LONRF2: variants seen among roughly 807,000 people sequenced by gnomAD.
LONRF2 encodes LON peptidase N-terminal domain and RING finger protein 2.
In LONRF2, 35 loss-of-function variants were observed where a neutral mutation model predicts 66.6. That is an observed-to-expected ratio of 0.53 (90% CI 0.40 to 0.70). LONRF2 has a LOEUF of 0.70. Ranked by LOEUF, LONRF2 falls within the 30% of genes least tolerant of loss-of-function variation. The pLI is 0.00. For synonymous variants in LONRF2, 417 were observed against 418.1 expected, an observed-to-expected ratio of 1.00 and a Z score of 0.03; for missense variants, 902 against 1,002.1, an observed-to-expected ratio of 0.90 and a Z score of 1.35.
chr2:100,315,376 G>A (rs1299107051), intron 1 of LONRF2, among the ~76,000 whole-genome samples: 1 of 152,080 alleles, frequency 6.6e-6, no homozygotes, highest in Non-Finnish European at 1.5e-5. Context: ...ATGTATGCCA[G>A]GTCATCTACA....
intron 1 of LONRF2, 31 bp downstream of exon 1, chr2:100,321,384 G>T (rs1675620203): frequency 1.4e-6 from 2 of 1,403,350 alleles, no homozygotes; most frequent in Middle Eastern, 2.6e-4. Flanking sequence ...ACAGGTGTAG[G>T]GGAGGCGGAC....
chr2:100,308,299 A>G (rs4851292), intron 2 of LONRF2, among the ~76,000 whole-genome samples: 67,796 of 151,704 alleles, frequency 0.45, 15,881 homozygotes, highest in East Asian at 0.71. Context: ...AGCCTAGGGG[A>G]CAGAGAGACA....
rs1674675388 is a variant in LONRF2, at chr2:100,279,816, C to G, written c.*4482G>C. Reference sequence around the variant, plus strand: ...CTAGAGTCTGAGCTGTTATTCAGACCAGCCAGTCTTAGCTATTTCCCTGCC... The same window carrying G: ...CTAGAGTCTGAGCTGTTATTCAGACGAGCCAGTCTTAGCTATTTCCCTGCC... On this transcript the variant is annotated 3_prime_UTR_variant, in exon 12 of 12. Coordinates refer to ENST00000393437, the MANE Select transcript of LONRF2 (RefSeq NM_198461.4). 1 of 152,180 alleles carries G rather than the reference C, an allele frequency of 6.6e-6. No homozygotes were observed. The highest frequency in any genetic ancestry group is 2.4e-5 in the African/African-American group (1 of 41,428). The allele number at this position is 152,180 out of a possible 1,614,324, so 9.4% of individuals were successfully genotyped here.
In LONRF2 at chr2:100,306,595, C is replaced by A. The variant is rs1184275147; in HGVS notation, c.798+2512G>T. ...GGCAATGGATTATCTCCAGTTGCTC[C>A]AAAAGCTTTGAATCATTAGCCATGA... On this transcript the variant is annotated intron_variant, in intron 2 of 11. Transcript: ENST00000393437. 3.3e-5 allele frequency among the ~76,000 whole-genome samples: 5 copies of A among 152,166 alleles called. No homozygotes were observed. The East Asian group carries it at 9.6e-4, about 29-fold the overall frequency.
chr2:100,311,527 C>G (rs886806464), intron 1 of LONRF2, among the ~76,000 whole-genome samples: 1 of 152,102 alleles, frequency 6.6e-6, no homozygotes, highest in Non-Finnish European at 1.5e-5. Flanking sequence ...ATATTTTAAA[C>G]AAGAATGTCA....
At chr2:100,287,966 G>A (rs1674880754) in intron 10 of LONRF2, among the ~76,000 whole-genome samples, 2 of 152,224 alleles carry the variant, frequency 1.3e-5, no homozygotes, top group South Asian at 2.1e-4. Flanking sequence ...ATAATATAAT[G>A]CATATACCAC....
chr2:100,314,585 C>T (rs994975002), intron 1 of LONRF2, among the ~76,000 whole-genome samples: 1 of 152,104 alleles, frequency 6.6e-6, no homozygotes, highest in Non-Finnish European at 1.5e-5. Context: ...CTCTGAGGAA[C>T]AGAAGTTTTA....
chr2:100,277,933 T>A lies in LONRF2; in HGVS notation c.*6365A>T, dbSNP rs1361905362. 1 of 152,130 alleles carries A rather than the reference T, an allele frequency of 6.6e-6. No individual in the cohort carries two copies. Among genetic ancestry groups the A allele is most frequent in the Non-Finnish European group, 1.5e-5 (1 of 68,038 alleles). The allele number at this position is 152,130 out of a possible 1,614,324, so 9.4% of individuals were successfully genotyped here. On this transcript the variant is annotated 3_prime_UTR_variant, in exon 12 of 12. Coordinates refer to ENST00000393437, the MANE Select transcript of LONRF2 (RefSeq NM_198461.4). Reference sequence around the variant, plus strand: ...CAGGTCTTGCCAGGACACTCCTTCATCTCTTCAGAGTGGCAGGCATCACTG... The same window carrying A: ...CAGGTCTTGCCAGGACACTCCTTCAACTCTTCAGAGTGGCAGGCATCACTG...
chr2:100,303,085 C>CA (rs1420774114), intron 2 of LONRF2, 42 bp from the exon 3 acceptor site: 6 of 1,530,194 alleles, frequency 3.9e-6, no homozygotes, highest in Non-Finnish European at 5.3e-6. Flanking sequence ...TAAAACCCAG[C>CA]ATGATTATAT....
At chr2:100,316,349 T>TTTCTAATAA (rs925474783) in intron 1 of LONRF2, among the ~76,000 whole-genome samples, 3 of 140,496 alleles carry the variant, frequency 2.1e-5, no homozygotes, top group African/African-American at 9.1e-5. Flanking sequence ...GAAAGAAAAT[T>TTTCTAATAA]TTCTAATAAT....
chr2:100,288,960 T>C (rs981568188), intron 10 of LONRF2, among the ~76,000 whole-genome samples: 1 of 152,244 alleles, frequency 6.6e-6, no homozygotes, highest in African/African-American at 2.4e-5. Context: ...TGTTGGAGAA[T>C]CTCTCAAAAC....
intron 1 of LONRF2, among the ~76,000 whole-genome samples, chr2:100,314,513 T>C (rs1675468345): frequency 6.6e-6 from 1 of 152,222 alleles, no homozygotes; most frequent in South Asian, 2.1e-4. Flanking sequence ...CATTATTTAT[T>C]CTGCATTAGA....
At chr2:100,320,388 G>C (rs1403919642) in intron 1 of LONRF2, among the ~76,000 whole-genome samples, 1 of 152,136 alleles carries the variant, frequency 6.6e-6, no homozygotes, top group African/African-American at 2.4e-5. Flanking sequence ...TATTCCAGCA[G>C]AGAATATCCC....
chr2:100,316,102 C>T (rs1172898483), intron 1 of LONRF2, among the ~76,000 whole-genome samples: 7 of 151,888 alleles, frequency 4.6e-5, no homozygotes, highest in Admixed American at 3.3e-4. Flanking sequence ...GGGCAGATCA[C>T]GAGGTCAGAG....
At chr2:100,321,357 C>T (rs1369411959) in intron 1 of LONRF2, 58 bp downstream of exon 1, 3 of 1,338,816 alleles carry the variant, frequency 2.2e-6, no homozygotes, top group Admixed American at 8.0e-5. Flanking sequence ...CAGCTCCCCA[C>T]CCCGCTGCTG....
At chr2:100,312,902 T>A (rs922189335) in intron 1 of LONRF2, among the ~76,000 whole-genome samples, 1 of 152,234 alleles carries the variant, frequency 6.6e-6, no homozygotes, top group African/African-American at 2.4e-5. Flanking sequence ...TAAAAGTCTT[T>A]GTGTAGAGAA....
Position 100,276,858 on chromosome 2 carries a change from A to T in LONRF2, c.*7440T>A, listed in dbSNP as rs893218433. 2.6e-5 allele frequency: 4 copies of T among 152,124 alleles called. No individual in the cohort carries two copies. Among genetic ancestry groups the T allele is most frequent in the Non-Finnish European group, 4.4e-5 (3 of 68,028 alleles). 9.4% of individuals were successfully genotyped at this position (152,124 alleles called of 1,614,324 possible). A position where few individuals can be genotyped will look rare whatever the true frequency, so the allele number is the denominator to read the frequency against. On this transcript the variant is annotated 3_prime_UTR_variant, in exon 12 of 12. Transcript: ENST00000393437. The stretch of plus-strand genomic sequence containing the variant: ...GCCTTCTGCCCTGAGGGGCACATAC[A>T]CCTTTGCAGGCCACCCACAGGGAGC...
chr2:100,284,669 C>T (rs72821152), intron 11 of LONRF2, among the ~76,000 whole-genome samples, 177 bp from the exon 12 acceptor site: 5,697 of 152,288 alleles, frequency 0.037, 164 homozygotes, highest in Non-Finnish European at 0.055. Flanking sequence ...TTATGGTACA[C>T]ATTTAAAGGT....
intron 1 of LONRF2, among the ~76,000 whole-genome samples, chr2:100,320,992 T>C (rs1675610392): frequency 6.6e-6 from 1 of 152,154 alleles, no homozygotes; most frequent in East Asian, 1.9e-4. Flanking sequence ...CCTGGCTATA[T>C]TAGCTGAAAC....
Sources: allele counts gnomAD v4.1 joint callset (sites outside exome capture counted in the v4.1 genomes callset), GRCh38; gene constraint gnomAD v4.1.1; transcripts MANE v1.5; gene names NCBI Gene and HGNC (gene_info 2026-07-23, HGNC 2026-07-21).